Variants in ZFP82 observed in about 807,000 individuals in gnomAD.
The protein encoded by ZFP82 is zinc finger protein 82 homolog.
ZFP82 carries 30 observed loss-of-function variants against 54.0 expected under a neutral mutation model. The ratio of observed to expected loss-of-function variants is 0.56; its 90% confidence interval spans 0.42 to 0.75. The LOEUF is 0.75. Among genes scored for constraint, ZFP82 ranks in the 30% least tolerant of loss-of-function variants. ZFP82 has a pLI of 0.00. For missense variants in ZFP82, 500 were observed against 636.8 expected, an observed-to-expected ratio of 0.79 and a Z score of 2.31; for synonymous variants, 194 against 209.5, an observed-to-expected ratio of 0.93 and a Z score of 0.64.
chr19:36,415,830 A>G lies in ZFP82; in HGVS notation c.-79+2662T>C, dbSNP rs530344776. Among the ~76,000 whole-genome samples the G allele has an allele frequency of 7.5e-4, 115 of 152,334 alleles. 6 individuals carry two copies. The South Asian group carries it at 0.023, about 30-fold the overall frequency. ...AAACAACAGTGTGGCACAAATAAGTAACACCCATCAGTTCTTTAACTGTTC... is the reference window on the plus strand; with the variant it reads ...AAACAACAGTGTGGCACAAATAAGTGACACCCATCAGTTCTTTAACTGTTC... On this transcript the variant is annotated intron_variant, in intron 1 of 4. Transcript: ENST00000392161.
intron 3 of ZFP82, among the ~76,000 whole-genome samples, chr19:36,406,034 CT>C (rs1416572819): frequency 6.6e-6 from 1 of 152,050 alleles, no homozygotes; most frequent in East Asian, 1.9e-4. Context: ...AATCATAGTA[CT>C]TATCTTATAT....
chr19:36,397,690 C>A (rs543553322), intron 4 of ZFP82, among the ~76,000 whole-genome samples: 1 of 151,818 alleles, frequency 6.6e-6, no homozygotes, highest in East Asian at 2.0e-4. Flanking sequence ...CACCTTCAAG[C>A]GATTCTCCTG....
rs1048478591 is a variant in ZFP82 at position 36,390,970 on chromosome 19, GTGTTAGCCAGGA to G, written c.*1759_*1770del. ...TTTTTAGTAGAGATGGGGTTTCACC[GTGTTAGCCAGGA>G]TGGTCTTGATCTCCTGACCTCACGA... On this transcript the variant is annotated 3_prime_UTR_variant, in exon 5 of 5. Coordinates refer to ENST00000392161, the MANE Select transcript of ZFP82 (RefSeq NM_133466.4). 3.9e-5 allele frequency: 6 copies of G among 152,078 alleles called. No homozygotes were observed. The highest frequency in any genetic ancestry group is 1.5e-4 in the African/African-American group (6 of 41,366). 9.4% of individuals were successfully genotyped at this position (152,078 alleles called of 1,614,324 possible).
intron 4 of ZFP82, among the ~76,000 whole-genome samples, chr19:36,399,962 C>T (rs1386192972): frequency 6.6e-6 from 1 of 152,064 alleles, no homozygotes; most frequent in African/African-American, 2.4e-5. Flanking sequence ...TACAATGAGA[C>T]AATGGAAAGG....
chr19:36,415,064 G>A (rs568782920), intron 1 of ZFP82, among the ~76,000 whole-genome samples: 219 of 152,190 alleles, frequency 1.4e-3, no homozygotes, highest in African/African-American at 5.1e-3. Flanking sequence ...CAGGTGATCC[G>A]CCCACCTTGG....
intron 1 of ZFP82, among the ~76,000 whole-genome samples, chr19:36,411,366 A>G (rs1313920228): frequency 6.6e-6 from 1 of 152,144 alleles, no homozygotes; most frequent in African/African-American, 2.4e-5. Flanking sequence ...GATTCACTAA[A>G]AAAAAATAAA....
At chr19:36,384,274 G>A (rs2032092263), downstream of ZFP82, 1 of 152,042 alleles carries the variant, frequency 6.6e-6, no homozygotes, top group South Asian at 2.1e-4. Context: ...ATAAAAGATA[G>A]GACTAGTGGG....
chr19:36,400,509 C>T (rs1193292642), intron 4 of ZFP82, among the ~76,000 whole-genome samples: 2 of 152,098 alleles, frequency 1.3e-5, no homozygotes, highest in Non-Finnish European at 1.5e-5. Context: ...TCCATTGATG[C>T]TCTCACATTC....
At chr19:36,385,543 C>T (rs2032105840), downstream of ZFP82, among the ~76,000 whole-genome samples, 1 of 152,122 alleles carries the variant, frequency 6.6e-6, no homozygotes, top group Non-Finnish European at 1.5e-5. Flanking sequence ...AAGACTATTG[C>T]TGTGGGTGGA....
Position 36,389,505 on chromosome 19 carries a change from G to A in ZFP82, c.*3236C>T, listed in dbSNP as rs2032159025. 6.6e-6 allele frequency among the ~76,000 whole-genome samples: 1 copy of A among 152,052 alleles called. No homozygotes were observed. Among genetic ancestry groups the A allele is most frequent in the Non-Finnish European group, 1.5e-5 (1 of 67,998 alleles). On this transcript the variant is annotated 3_prime_UTR_variant, in exon 5 of 5. Coordinates refer to ENST00000392161, the MANE Select transcript of ZFP82 (RefSeq NM_133466.4). The stretch of plus-strand genomic sequence containing the variant: ...TATCCCTCCCACCTTTTGTTTTTAA[G>A]TATTTAAAAGTAAATCACAGGCATA...
chr19:36,405,323 T>C (rs938210769), intron 4 of ZFP82, among the ~76,000 whole-genome samples: 1 of 150,834 alleles, frequency 6.6e-6, no homozygotes, highest in African/African-American at 2.4e-5. Flanking sequence ...GAGAGAACAA[T>C]AATAAAAAAG....
At chr19:36,417,188 AT>A (rs2032688379) in intron 1 of ZFP82, among the ~76,000 whole-genome samples, 1 of 150,182 alleles carries the variant, frequency 6.7e-6, no homozygotes, top group Non-Finnish European at 1.5e-5. Flanking sequence ...TAGTATTTTC[AT>A]TTTCCCCCCA....
At chr19:36,410,475 T>A (rs1007320580) in intron 1 of ZFP82, among the ~76,000 whole-genome samples, 10 of 149,564 alleles carry the variant, frequency 6.7e-5, no homozygotes, top group Non-Finnish European at 8.9e-5. Flanking sequence ...ATATATATAT[T>A]TTGTTGTTGT....
At chr19:36,407,277 C>T (rs1376753001) in intron 3 of ZFP82, among the ~76,000 whole-genome samples, 3 of 151,416 alleles carry the variant, frequency 2.0e-5, no homozygotes, top group Admixed American at 2.0e-4. Context: ...GGGGTTTCAC[C>T]GTTTTAGCCG....
In ZFP82 at chr19:36,393,388, C is replaced by T. The variant is rs370159081; in HGVS notation, c.952G>A (p.Ala318Thr). ...CTAAGACCAGAGCCACACAAAAAGG[C>T]CTTCCCACATTCTTTGCATTCATAG... Reference protein sequence around the residue: ...RLYECKECGKAFLCGSGLRVH... With the variant: ...RLYECKECGKTFLCGSGLRVH... Residue 318 changes from alanine (A) to threonine (T), a missense_variant, in exon 5 of 5, where the codon GCC (alanine) becomes ACC (threonine). By Grantham distance (58) the Ala-to-Thr change is moderately conservative (BLOSUM62 0). Coordinates refer to ENST00000392161, the MANE Select transcript of ZFP82 (RefSeq NM_133466.4). The T allele has an allele frequency of 3.7e-6, 6 of 1,613,904 alleles. No individual in the cohort carries two copies. The highest frequency in any genetic ancestry group is 1.3e-5 in the African/African-American group (1 of 74,846).
At position 36,389,043 on chromosome 19, in the gene ZFP82, CTTTTT is replaced by C. The variant is rs34929021; in HGVS notation, c.*3693_*3697del. 7.4e-6 allele frequency among the ~76,000 whole-genome samples: 1 copy of C among 134,570 alleles called. No individual in the cohort carries two copies. The highest frequency in any genetic ancestry group is 1.6e-5 in the Non-Finnish European group (1 of 62,416). 88.3% of individuals were successfully genotyped at this position (134,570 alleles called of 152,430 possible). A position where few individuals can be genotyped will look rare whatever the true frequency, so the allele number is the denominator to read the frequency against. On this transcript the variant is annotated 3_prime_UTR_variant, in exon 5 of 5. Transcript: ENST00000392161. ...TACAATTTCAGACTTGATTTTCTTT[CTTTTT>C]TTTTTTTTTTGAGATGGAGTCTCAC...
At chr19:36,406,292 T>C (rs559467532) in intron 3 of ZFP82, among the ~76,000 whole-genome samples, 1 of 152,300 alleles carries the variant, frequency 6.6e-6, no homozygotes, top group East Asian at 1.9e-4. Context: ...AAGTGTACAA[T>C]TCAATGATTT....
chr19:36,410,429 A>ATG (rs1245578758), intron 1 of ZFP82, among the ~76,000 whole-genome samples: 78 of 90,818 alleles, frequency 8.6e-4, no homozygotes, highest in Middle Eastern at 5.1e-3. Context: ...GGTGTTATAT[A>ATG]TGTATGTGTG....
intron 1 of ZFP82, among the ~76,000 whole-genome samples, chr19:36,417,493 A>C (rs1020639026): frequency 6.6e-6 from 1 of 151,940 alleles, no homozygotes; most frequent in African/African-American, 2.4e-5. Context: ...AGAAACACCC[A>C]CTCGCCTCGA....
Sources: gnomAD v4.1 joint callset for allele counts (sites outside exome capture counted in the v4.1 genomes callset) on GRCh38, gnomAD v4.1.1 for gene constraint, MANE v1.5 for transcripts, NCBI Gene and HGNC (gene_info 2026-07-23, HGNC 2026-07-21) for gene names.